USP34: variants seen among roughly 807,000 people sequenced by gnomAD.
The protein encoded by USP34 is ubiquitin carboxyl-terminal hydrolase 34.
In USP34, 70 loss-of-function variants were observed where a neutral mutation model predicts 460.3. The ratio of observed to expected loss-of-function variants is 0.15; its 90% CI spans 0.13 to 0.19. USP34 has a LOEUF of 0.19. Ranked by LOEUF, USP34 falls within the 10% of genes least tolerant of loss-of-function variation. The probability of loss-of-function intolerance (pLI) is 1.00; values close to 1 mark genes in which losing one functional copy is unlikely to be tolerated. For synonymous variants in USP34, 1,647 were observed against 1,405.3 expected (o/e 1.17, Z -3.85); for missense variants, 3,985 against 4,236.2 (o/e 0.94, Z 1.65).
At chr2:61,364,498 CACA>C (rs1189122868) in intron 10 of USP34, among the ~76,000 whole-genome samples, 1 of 152,126 alleles carries the variant, frequency 6.6e-6, no homozygotes, top group African/African-American at 2.4e-5. Context: ...GTGATAGTTA[CACA>C]ACATTATGAA....
At chr2:61,459,332 A>G (rs1695531781) in intron 1 of USP34, among the ~76,000 whole-genome samples, 1 of 152,222 alleles carries the variant, frequency 6.6e-6, no homozygotes, top group Non-Finnish European at 1.5e-5. Context: ...TTACAAAGGA[A>G]GTACCTTCAA....
intron 10 of USP34, among the ~76,000 whole-genome samples, chr2:61,351,511 T>C (rs1377947568): frequency 1.3e-5 from 2 of 152,086 alleles, no homozygotes; most frequent in African/African-American, 2.4e-5. Flanking sequence ...TAAATCAAGA[T>C]AGGGTAATAA....
chr2:61,249,697 A>T, intron 48 of USP34: 1 of 152,614 alleles, frequency 6.6e-6, no homozygotes, highest in East Asian at 1.9e-4. Context: ...CATGTCACAG[A>T]GCAGAGTCCC....
chr2:61,271,845 A>G (rs936001906), intron 41 of USP34, among the ~76,000 whole-genome samples: 2 of 152,158 alleles, frequency 1.3e-5, no homozygotes, highest in African/African-American at 4.8e-5. Context: ...CAGTTCTAGA[A>G]CTATTTTTTA....
rs1307401742 is a variant in USP34, at chr2:61,266,133, A to G, written c.5468T>C (p.Leu1823Ser). ...FLRDIFNLLF[L>S]LPSLKDRQQP... ...TTGTCGGTCCTTTAGACTTGGCAAC[A>G]AAAACAGGAGATTGAAGATATCTCT... is the stretch of plus-strand genomic sequence containing the variant. The change falls in exon 42 of 80, where the codon TTG becomes TCG. Residue 1823 changes from leucine (L) to serine (S), a missense_variant. Physicochemically the swap from Leu to Ser is moderately radical, Grantham distance 145. Coordinates refer to ENST00000398571, the MANE Select transcript of USP34 (RefSeq NM_014709.4). 3 of 1,612,562 alleles carry G rather than the reference A, an allele frequency of 1.9e-6. No homozygotes were observed. Among genetic ancestry groups the G allele is most frequent in the Non-Finnish European group, 2.5e-6 (3 of 1,178,778 alleles).
At chr2:61,285,091 T>G (rs1019448589) in intron 34 of USP34, 134 bp from the exon 35 acceptor site, 40 of 621,490 alleles carry the variant, frequency 6.4e-5, no homozygotes, top group African/African-American at 9.2e-5. Flanking sequence ...ATTTTGATAT[T>G]TATCTATAAC....
chr2:61,382,861 T>C (rs1215805928), intron 6 of USP34, among the ~76,000 whole-genome samples: 2 of 152,228 alleles, frequency 1.3e-5, no homozygotes, highest in Non-Finnish European at 2.9e-5. Flanking sequence ...TATCCTATAA[T>C]ACTTATCACT....
intron 52 of USP34, 27 bp downstream of exon 52, chr2:61,241,739 A>G (rs979954731): frequency 1.1e-5 from 17 of 1,495,646 alleles, no homozygotes; most frequent in Non-Finnish European, 1.4e-5. Flanking sequence ...AAAACAATAT[A>G]AAATTATACA....
intron 41 of USP34, among the ~76,000 whole-genome samples, chr2:61,270,697 A>G (rs1215193359): frequency 6.6e-6 from 1 of 152,072 alleles, no homozygotes; most frequent in Non-Finnish European, 1.5e-5. Context: ...TGGCCTCCCA[A>G]TGTGCTGGGA....
At chr2:61,235,767 C>T in intron 57 of USP34, 78 bp downstream of exon 57, 1 of 1,424,882 alleles carries the variant, frequency 7.0e-7, no homozygotes, top group Non-Finnish European at 9.6e-7. Context: ...AACAACTCTG[C>T]TGTAGCATCT....
chr2:61,278,360 T>C, intron 40 of USP34, 28 bp downstream of exon 40: 3 of 1,607,216 alleles, frequency 1.9e-6, no homozygotes, highest in East Asian at 2.2e-5. Flanking sequence ...CTCGACAATA[T>C]AAATGTCAAT....
intron 2 of USP34, among the ~76,000 whole-genome samples, chr2:61,412,708 G>A (rs1665544043): frequency 1.3e-5 from 2 of 151,730 alleles, no homozygotes; most frequent in South Asian, 2.1e-4. Flanking sequence ...GGGCAACATC[G>A]CGAGACCTCC....
intron 1 of USP34, among the ~76,000 whole-genome samples, chr2:61,446,421 A>T (rs956097262): frequency 1.3e-5 from 2 of 152,222 alleles, no homozygotes; most frequent in Non-Finnish European, 2.9e-5. Flanking sequence ...TCAATATTAC[A>T]CCAAAACTCA....
Position 61,253,207 on chromosome 2 carries a change from G to T in USP34, c.6221+3177C>A, listed in dbSNP as rs150003376. Among the ~76,000 whole-genome samples the T allele has an allele frequency of 2.0e-5, 3 of 152,250 alleles. No individual in the cohort carries two copies. The East Asian group carries it at 5.8e-4, about 29-fold the overall frequency. On this transcript the variant is annotated intron_variant, in intron 48 of 79. Transcript: ENST00000398571. ...AAGAACAAAAATGACTGACTACCTG[G>T]GAGAGATGTGACAGGTATTTCAGAA...
At chr2:61,272,103 C>T (rs1458502615) in intron 41 of USP34, among the ~76,000 whole-genome samples, 3 of 152,158 alleles carry the variant, frequency 2.0e-5, no homozygotes, top group Non-Finnish European at 4.4e-5. Context: ...CTCAGCTTCT[C>T]AGGCTTAAAA....
intron 1 of USP34, among the ~76,000 whole-genome samples, chr2:61,443,382 T>C (rs1695020378): frequency 1.3e-5 from 2 of 152,028 alleles, no homozygotes; most frequent in South Asian, 2.1e-4. Flanking sequence ...CACATCACTA[T>C]ATGATGAAAT....
At chr2:61,372,815 C>G (rs1006041009) in intron 8 of USP34, among the ~76,000 whole-genome samples, 1 of 152,116 alleles carries the variant, frequency 6.6e-6, no homozygotes, top group African/African-American at 2.4e-5. Flanking sequence ...AACATACATG[C>G]AATGGGGGTC....
chr2:61,467,066 G>C (rs1298492190), intron 1 of USP34, among the ~76,000 whole-genome samples: 1 of 152,048 alleles, frequency 6.6e-6, no homozygotes, highest in Non-Finnish European at 1.5e-5. Flanking sequence ...AGCATTTTGG[G>C]AGACGGAAGC....
intron 1 of USP34, among the ~76,000 whole-genome samples, chr2:61,457,352 C>G (rs1695470124): frequency 6.6e-6 from 1 of 152,098 alleles, no homozygotes; most frequent in South Asian, 2.1e-4. Context: ...GCCCAGCAAG[C>G]CACAGAGAAA....
Sources: allele counts gnomAD v4.1 joint callset (sites outside exome capture counted in the v4.1 genomes callset), GRCh38; gene constraint gnomAD v4.1.1; transcripts MANE v1.5; gene names NCBI Gene and HGNC (gene_info 2026-07-23, HGNC 2026-07-21).